The following CSGALNACT1 variants were observed in gnomAD, a reference collection of about 807,000 sequenced individuals.
The protein encoded by CSGALNACT1 is beta4GalNAcT-1.
CSGALNACT1 carries 52 observed loss-of-function variants against 51.0 expected under a neutral mutation model. The ratio of observed to expected loss-of-function variants is 1.02; its 90% CI spans 0.82 to 1.29. The LOEUF (loss-of-function observed/expected upper bound fraction) is 1.29, where lower values mean the gene tolerates loss of function less well. Ranked by LOEUF, CSGALNACT1 falls within the 50% of genes most tolerant of loss-of-function variation. The pLI is 0.00. For missense variants in CSGALNACT1, 935 were observed against 679.2 expected, an observed-to-expected ratio of 1.38 and a Z score of -4.19; for synonymous variants, 341 against 254.4, an observed-to-expected ratio of 1.34 and a Z score of -3.24.
intron 4 of CSGALNACT1, among the ~76,000 whole-genome samples, chr8:19,489,901 C>T (rs2073971955): frequency 6.6e-6 from 1 of 152,180 alleles, no homozygotes; most frequent in South Asian, 2.1e-4. Context: ...CACACATTTT[C>T]TAGCCCTGTG....
rs190029551 is a variant in CSGALNACT1, at chr8:19,504,904, G to C, written c.634+297C>G. Among the ~76,000 whole-genome samples the C allele has an allele frequency of 3.5e-3, 528 of 152,216 alleles. 2 individuals carry two copies. The highest frequency in any genetic ancestry group is 0.012 in the African/African-American group (506 of 41,524). ...AAGTGCCCTGTCATATTTTATTTGG[G>C]TTTCAAAGTTTTATGTTTATCTATT... On this transcript the variant is annotated intron_variant, in intron 4 of 9. Transcript: ENST00000454498.
intron 5 of CSGALNACT1, among the ~76,000 whole-genome samples, chr8:19,454,572 G>A (rs2063742877): frequency 6.6e-6 from 1 of 152,180 alleles, no homozygotes; most frequent in Non-Finnish European, 1.5e-5. Flanking sequence ...TCGGGAGGCT[G>A]AGGCAGGAGA....
chr8:19,429,610 T>C (rs1483918600), intron 6 of CSGALNACT1, among the ~76,000 whole-genome samples: 1 of 152,278 alleles, frequency 6.6e-6, no homozygotes, highest in African/African-American at 2.4e-5. Flanking sequence ...TGTTATATTT[T>C]GCTTTTCATT....
At chr8:19,533,068 T>C (rs2083084060) in intron 3 of CSGALNACT1, among the ~76,000 whole-genome samples, 2 of 152,226 alleles carry the variant, frequency 1.3e-5, no homozygotes, top group African/African-American at 2.4e-5. Flanking sequence ...TTTTCTTTTC[T>C]ACTGTATATT....
chr8:19,623,496 T>C (rs1013821426), intron 1 of CSGALNACT1, among the ~76,000 whole-genome samples: 7 of 152,214 alleles, frequency 4.6e-5, no homozygotes, highest in African/African-American at 1.4e-4. Flanking sequence ...AACAATACTA[T>C]TAACACTCTT....
chr8:19,504,357 C>T (rs959113186), intron 4 of CSGALNACT1, among the ~76,000 whole-genome samples: 3 of 151,956 alleles, frequency 2.0e-5, no homozygotes, highest in East Asian at 1.9e-4. Context: ...ATTACAGGCG[C>T]GAGCCACTGC....
chr8:19,495,525 A>T (rs1340726444), intron 4 of CSGALNACT1, among the ~76,000 whole-genome samples: 1 of 152,170 alleles, frequency 6.6e-6, no homozygotes, highest in African/African-American at 2.4e-5. Flanking sequence ...CCTCGCAGGG[A>T]TCAGTGAGAG....
At chr8:19,552,678 T>A (rs936758173) in intron 3 of CSGALNACT1, among the ~76,000 whole-genome samples, 4 of 152,204 alleles carry the variant, frequency 2.6e-5, no homozygotes, top group Non-Finnish European at 5.9e-5. Context: ...AATACTGAGA[T>A]GAAAATTTGT....
chr8:19,587,498 C>T (rs1381273746), intron 3 of CSGALNACT1, among the ~76,000 whole-genome samples: 1 of 152,050 alleles, frequency 6.6e-6, no homozygotes, highest in South Asian at 2.1e-4. Flanking sequence ...AACTTGGTCC[C>T]AATATAAACA....
chr8:19,496,630 C>T (rs1587239972), intron 4 of CSGALNACT1, among the ~76,000 whole-genome samples: 1 of 152,130 alleles, frequency 6.6e-6, no homozygotes, highest in Non-Finnish European at 1.5e-5. Flanking sequence ...TTTTTTGGAA[C>T]TTAGTAGAGA....
intron 1 of CSGALNACT1, among the ~76,000 whole-genome samples, chr8:19,649,387 T>C (rs1186275521): frequency 6.6e-6 from 1 of 152,184 alleles, no homozygotes; most frequent in East Asian, 1.9e-4. Context: ...ATCTTTGGTA[T>C]TCTATACATG....
At chr8:19,701,485 C>G (rs1408248280) in intron 1 of CSGALNACT1, among the ~76,000 whole-genome samples, 4 of 152,074 alleles carry the variant, frequency 2.6e-5, no homozygotes, top group African/African-American at 9.7e-5. Context: ...CAAAGCAGTG[C>G]CAGCAACTGT....
intron 1 of CSGALNACT1, among the ~76,000 whole-genome samples, chr8:19,703,578 C>T (rs930366298): frequency 6.6e-6 from 1 of 152,180 alleles, no homozygotes; most frequent in Non-Finnish European, 1.5e-5. Flanking sequence ...GCTGGGATTA[C>T]CGGTGGGTGT....
intron 1 of CSGALNACT1, among the ~76,000 whole-genome samples, chr8:19,666,983 GAAAGAAAGA>G (rs2059345344): frequency 4.2e-4 from 8 of 18,904 alleles, no homozygotes; most frequent in Non-Finnish European, 6.6e-4. Flanking sequence ...AAGAAAGAAA[GAAAGAAAGA>G]AAGAAAGAAA....
At chr8:19,619,719 G>T (rs183720433) in intron 1 of CSGALNACT1, among the ~76,000 whole-genome samples, 64 of 152,250 alleles carry the variant, frequency 4.2e-4, no homozygotes, top group African/African-American at 1.5e-3. Context: ...ACACATTCGT[G>T]TCACAATAAC....
intron 4 of CSGALNACT1, among the ~76,000 whole-genome samples, chr8:19,468,470 C>A (rs944395268): frequency 6.6e-6 from 1 of 152,008 alleles, no homozygotes; most frequent in Non-Finnish European, 1.5e-5. Context: ...GCCGGGTCAG[C>A]GTTTTAGCAT....
At chr8:19,520,331 A>G (rs2080404000) in intron 3 of CSGALNACT1, among the ~76,000 whole-genome samples, 1 of 152,246 alleles carries the variant, frequency 6.6e-6, no homozygotes, top group Admixed American at 6.5e-5. Context: ...GAAGCCCAAT[A>G]ACACATAAAT....
At chr8:19,441,453 A>G (rs1286341575) in intron 5 of CSGALNACT1, among the ~76,000 whole-genome samples, 1 of 152,260 alleles carries the variant, frequency 6.6e-6, no homozygotes, top group East Asian at 1.9e-4. Flanking sequence ...AACCTGACAA[A>G]AACAAGAAAT....
intron 3 of CSGALNACT1, among the ~76,000 whole-genome samples, chr8:19,552,574 A>G (rs1322049348): frequency 6.6e-6 from 1 of 152,192 alleles, no homozygotes; most frequent in Non-Finnish European, 1.5e-5. Context: ...TTCAAGATAC[A>G]TACTTGCAAG....
Sources: allele counts gnomAD v4.1 joint callset (sites outside exome capture counted in the v4.1 genomes callset), GRCh38; gene constraint gnomAD v4.1.1; transcripts MANE v1.5; gene names NCBI Gene and HGNC (gene_info 2026-07-23, HGNC 2026-07-21).